The following RAD17 variants were observed in gnomAD, a reference collection of about 807,000 sequenced individuals.
The protein encoded by RAD17 is RAD17 checkpoint clamp loader component, also known as cell cycle checkpoint protein RAD17.
Under a neutral mutation model 81.5 loss-of-function variants are expected in RAD17, and 31 were observed. That is an observed-to-expected ratio of 0.38 (90% CI 0.29 to 0.51). RAD17 has a LOEUF of 0.51. Ranked by LOEUF, RAD17 falls within the 20% of genes least tolerant of loss-of-function variation. The pLI, the probability that RAD17 is intolerant of heterozygous loss-of-function variation, is 0.88. For missense variants in RAD17, 681 were observed against 781.2 expected (o/e 0.87, Z 1.53); for synonymous variants, 261 against 266.2 (o/e 0.98, Z 0.19).
In RAD17 at chr5:69,371,102, A is replaced by C. The variant is rs1762942258; in HGVS notation, c.-349A>C. 8.9e-6 allele frequency: 4 copies of C among 448,530 alleles called. No individual in the cohort carries two copies. Among genetic ancestry groups the C allele is most frequent in the Middle Eastern group, 3.5e-4 (1 of 2,826 alleles). 27.8% of individuals were successfully genotyped at this position (448,530 alleles called of 1,614,324 possible). ...AATGAAGACCTGCAACTGTAATTTG[A>C]AATAAGGAAAACTTTAATTTTCAGT... is the stretch of plus-strand genomic sequence containing the variant. On this transcript the variant is annotated 5_prime_UTR_variant, in exon 2 of 19. Coordinates refer to ENST00000354868, the MANE Select transcript of RAD17 (RefSeq NM_133338.3).
Position 69,414,205 on chromosome 5 carries a change from G to C in RAD17, c.1926G>C (p.Leu642=). The change falls in exon 19 of 19, where the codon CTG becomes CTC. Residue 642 remains leucine, a synonymous_variant. Transcript: ENST00000354868. ...LPLSQNSASE[L]PASQPQPFSA... ...TGAGTCAGAATAGTGCCAGTGAACT[G>C]CCTGCTAGCCAGCCCCAGCCCTTTT... 6.2e-7 allele frequency: 1 copy of C among 1,614,210 alleles called. No homozygotes were observed. Among genetic ancestry groups the C allele is most frequent in the Non-Finnish European group, 8.5e-7 (1 of 1,180,044 alleles).
intron 17 of RAD17, among the ~76,000 whole-genome samples, chr5:69,400,537 T>A (rs1000536126): frequency 2.6e-5 from 4 of 152,056 alleles, no homozygotes; most frequent in Non-Finnish European, 5.9e-5. Context: ...TTTATAGCAA[T>A]ATCTTTTTGT....
chr5:69,402,864 A>T (rs2150868090), intron 17 of RAD17, among the ~76,000 whole-genome samples: 1 of 152,150 alleles, frequency 6.6e-6, no homozygotes, highest in East Asian at 1.9e-4. Context: ...ATTCTTAAAA[A>T]CTTAAGTCTG....
At position 69,382,008 on chromosome 5, in the gene RAD17, A is replaced by G. The variant is rs1249242853; in HGVS notation, c.459A>G (p.Pro153=). The G allele has an allele frequency of 1.2e-6, 2 of 1,611,576 alleles. No individual in the cohort carries two copies. The highest frequency in any genetic ancestry group is 2.7e-5 in the African/African-American group (2 of 74,884). The part of the protein sequence containing the change: ...HGIQVQEWIN[P]VLPDFQKDDF... Reference sequence around the variant, plus strand: ...TTCAAGTACAAGAGTGGATTAATCCAGTTTTACCAGACTTCCAAAAAGATG... The same window carrying G: ...TTCAAGTACAAGAGTGGATTAATCCGGTTTTACCAGACTTCCAAAAAGATG... The change falls in exon 7 of 19, where the codon CCA becomes CCG. Residue 153 remains proline, a synonymous_variant. Transcript: ENST00000354868.
intron 7 of RAD17, among the ~76,000 whole-genome samples, chr5:69,384,351 G>A (rs752074413): frequency 1.9e-4 from 29 of 151,712 alleles, no homozygotes; most frequent in Non-Finnish European, 3.5e-4. Flanking sequence ...CTGTCACCCA[G>A]GCTGGAGTGC....
chr5:69,384,911 A>G lies in RAD17; in HGVS notation c.623A>G (p.Asp208Gly). 1.9e-6 allele frequency: 3 copies of G among 1,603,388 alleles called. No homozygotes were observed. Among genetic ancestry groups the G allele is most frequent in the Non-Finnish European group, 2.6e-6 (3 of 1,175,458 alleles). Residue 208 changes from aspartate (D) to glycine (G), a missense_variant, in exon 8 of 19, where the codon GAT (aspartate) becomes GGT (glycine). Transcript: ENST00000354868. ...ATGCTTGGAGATGATCTGAGAACTG[A>G]TAAGAAGATAATTCTGGTTGAAGTA... ...LQMLGDDLRTDKKIILVEDLP... is the reference protein window; with the variant it reads ...LQMLGDDLRTGKKIILVEDLP...
At chr5:69,396,657 C>A in intron 16 of RAD17, 111 bp downstream of exon 16, 1 of 1,159,600 alleles carries the variant, frequency 8.6e-7, no homozygotes, top group Non-Finnish European at 1.1e-6. Context: ...AAAAATATTT[C>A]ATTTTTAATA....
In RAD17 at chr5:69,389,233, C is replaced by A. The variant is rs146971704; in HGVS notation, c.1006+88C>A. 6.7e-5 allele frequency: 54 copies of A among 801,696 alleles called. No homozygotes were observed. In the African/African-American group the frequency reaches 7.6e-4, roughly 11 times the overall value. The allele number at this position is 801,696 out of a possible 1,614,324, so 49.7% of individuals were successfully genotyped here. Reference sequence around the variant, plus strand: ...CAATGAAATCAAACATTTTAACTTACATTTGGTCTATACCTATTTATCCTT... The same window carrying A: ...CAATGAAATCAAACATTTTAACTTAAATTTGGTCTATACCTATTTATCCTT... On this transcript the variant is annotated intron_variant, in intron 12 of 18. Transcript: ENST00000354868.
rs147477246 is a variant in RAD17, at chr5:69,375,855, T to C, written c.351+1144T>C. Among the ~76,000 whole-genome samples the C allele has an allele frequency of 3.5e-4, 53 of 151,972 alleles. 1 individual carries two copies. In the East Asian group the frequency reaches 0.01, roughly 29 times the overall value. On this transcript the variant is annotated intron_variant, in intron 6 of 18. Coordinates refer to ENST00000354868, the MANE Select transcript of RAD17 (RefSeq NM_133338.3). ...CCTTTTTTTTTTTCCCTGAATCTAA[T>C]AATAGTTTACTAACCCTTTCTTTTC...
At chr5:69,377,229 C>T (rs921254097) in intron 6 of RAD17, among the ~76,000 whole-genome samples, 7 of 151,832 alleles carry the variant, frequency 4.6e-5, no homozygotes, top group African/African-American at 1.7e-4. Context: ...GGCAGTCTAT[C>T]TGACACACCT....
chr5:69,372,422 G>A (rs1763063536), intron 4 of RAD17, among the ~76,000 whole-genome samples: 1 of 152,092 alleles, frequency 6.6e-6, no homozygotes, highest in South Asian at 2.1e-4. Context: ...CTAATAAATA[G>A]CTCAACTGTG....
In RAD17 at chr5:69,396,548, T is replaced by TAAAAAA. The variant is rs377737971; in HGVS notation, c.1572+14_1572+19dup. ...CAGTGGTTTCTAATAAATAAAAAGGTAAAAAAAAAAAAAAAAATTCTGTAC... is the reference window on the plus strand; with the variant it reads ...CAGTGGTTTCTAATAAATAAAAAGGTAAAAAAAAAAAAAAAAAAAAAAATTCTGTAC... On this transcript the variant is annotated splice_region_variant and intron_variant, in intron 16 of 18. Coordinates refer to ENST00000354868, the MANE Select transcript of RAD17 (RefSeq NM_133338.3). 3 of 1,342,176 alleles carry TAAAAAA rather than the reference T, an allele frequency of 2.2e-6. No individual in the cohort carries two copies. Among genetic ancestry groups the TAAAAAA allele is most frequent in the South Asian group, 3.3e-5 (2 of 59,986 alleles). The allele number at this position is 1,342,176 out of a possible 1,614,324, so 83.1% of individuals were successfully genotyped here. A position where few individuals can be genotyped will look rare whatever the true frequency, so the allele number is the denominator to read the frequency against.
At position 69,384,831 on chromosome 5, in the gene RAD17, G is replaced by A. The variant is rs778820066; in HGVS notation, c.543G>A (p.Gln181=). The A allele has an allele frequency of 8.6e-5, 139 of 1,611,374 alleles. No individual in the cohort carries two copies. Among genetic ancestry groups the A allele is most frequent in the South Asian group, 3.7e-4 (34 of 90,700 alleles). Residue 181 remains glutamine, a synonymous_variant, in exon 8 of 19, where the codon CAG becomes CAA. Coordinates refer to ENST00000354868, the MANE Select transcript of RAD17 (RefSeq NM_133338.3). ...SSFHMFPYQS[Q]IAVFKEFLLR... is the part of the protein sequence containing the mutation. ...TCCATATGTTTCCCTATCAGTCTCA[G>A]ATAGCAGTTTTCAAAGAGTTTCTAC...
At chr5:69,388,339 ATTAG>A (rs775617166) in intron 11 of RAD17, among the ~76,000 whole-genome samples, 42 of 152,138 alleles carry the variant, frequency 2.8e-4, no homozygotes, top group African/African-American at 8.9e-4. Flanking sequence ...AATTTCATAA[ATTAG>A]TTAGATTATT....
intron 8 of RAD17, 57 bp from the exon 9 acceptor site, chr5:69,385,986 A>C: frequency 7.1e-7 from 1 of 1,402,026 alleles, no homozygotes; most frequent in Non-Finnish European, 9.4e-7. Context: ...ATAAATTTGA[A>C]AAATAAATTT....
chr5:69,393,920 T>TTTTG (rs1383845076), intron 15 of RAD17, among the ~76,000 whole-genome samples: 1 of 145,474 alleles, frequency 6.9e-6, no homozygotes, highest in East Asian at 2.0e-4. Context: ...TTTTTTTTTT[T>TTTTG]TTTTTTTTTT....
intron 6 of RAD17, among the ~76,000 whole-genome samples, chr5:69,380,652 T>C (rs1181606523): frequency 6.6e-6 from 1 of 152,148 alleles, no homozygotes; most frequent in Non-Finnish European, 1.5e-5. Context: ...TTGATATTTC[T>C]GTAGCTTCAA....
At chr5:69,385,343 A>C (rs1764143136) in intron 8 of RAD17, among the ~76,000 whole-genome samples, 1 of 141,014 alleles carries the variant, frequency 7.1e-6, no homozygotes, top group Admixed American at 8.0e-5. Context: ...GTCTTGGCTC[A>C]CTGCCACCTC....
chr5:69,374,852 A>G lies in RAD17; in HGVS notation c.351+141A>G, dbSNP rs1005422232. 1.5e-4 allele frequency: 100 copies of G among 677,634 alleles called. 1 individual carries two copies. The South Asian group carries it at 2.1e-3, about 14-fold the overall frequency. 42.0% of individuals were successfully genotyped at this position (677,634 alleles called of 1,614,324 possible). ...GCAGTAGAAAGCTCCCTAGTGGGGCATGGTGACTCATGCCTGTAATCCCAG... is the reference window on the plus strand; with the variant it reads ...GCAGTAGAAAGCTCCCTAGTGGGGCGTGGTGACTCATGCCTGTAATCCCAG... On this transcript the variant is annotated intron_variant, in intron 6 of 18. Coordinates refer to ENST00000354868, the MANE Select transcript of RAD17 (RefSeq NM_133338.3).
Sources: gnomAD v4.1 joint callset for allele counts (sites outside exome capture counted in the v4.1 genomes callset) on GRCh38, gnomAD v4.1.1 for gene constraint, MANE v1.5 for transcripts, NCBI Gene and HGNC (gene_info 2026-07-23, HGNC 2026-07-21) for gene names.